Variants in ACVR1 observed in about 807,000 individuals in gnomAD.
The protein encoded by ACVR1 is activin A receptor type 1.
Under a neutral mutation model 57.1 loss-of-function variants are expected in ACVR1, and 38 were observed. The observed-to-expected ratio is 0.67, with a 90% CI of 0.51 to 0.87. The LOEUF is 0.87. Among genes scored for constraint, ACVR1 ranks in the 40% least tolerant of loss-of-function variants. The pLI is 0.00. For synonymous variants in ACVR1, 212 were observed against 228.1 expected (o/e 0.93, Z 0.63); for missense variants, 463 against 638.2 (o/e 0.73, Z 2.96).
In ACVR1 at chr2:157,835,545, A is replaced by G. The variant is rs575322842; in HGVS notation, c.-182-16986T>C. Among the ~76,000 whole-genome samples the G allele has an allele frequency of 7.2e-5, 11 of 152,338 alleles. No homozygotes were observed. The South Asian group carries it at 1.7e-3, about 23-fold the overall frequency. On this transcript the variant is annotated intron_variant, in intron 1 of 10. Coordinates refer to ENST00000434821, the MANE Select transcript of ACVR1 (RefSeq NM_001111067.4). ...TAGTATATTTTACTAACTAAAACAT[A>G]CAGTTCTTTGACTTGTCTTTGAGTT...
intron 2 of ACVR1, among the ~76,000 whole-genome samples, chr2:157,817,308 T>C (rs566099821): frequency 6.6e-6 from 1 of 152,248 alleles, no homozygotes; most frequent in South Asian, 2.1e-4. Flanking sequence ...AAATGTATTA[T>C]TAAAATGTAG....
At chr2:157,827,568 T>C (rs1418304291) in intron 1 of ACVR1, among the ~76,000 whole-genome samples, 1 of 152,234 alleles carries the variant, frequency 6.6e-6, no homozygotes, top group Non-Finnish European at 1.5e-5. Flanking sequence ...TACTTATCTC[T>C]GATTGTGTAA....
At chr2:157,760,320 G>A (rs1272851978) in intron 9 of ACVR1, among the ~76,000 whole-genome samples, 1 of 152,150 alleles carries the variant, frequency 6.6e-6, no homozygotes, top group Non-Finnish European at 1.5e-5. Context: ...ATAGCAGTGG[G>A]ATGAAGAGAC....
rs373492583 is a variant in ACVR1 at position 157,780,742 on chromosome 2, A to T, written c.68-142T>A. 12 of 977,252 alleles carry T rather than the reference A, an allele frequency of 1.2e-5. 1 individual carries two copies. The African/African-American group carries it at 1.8e-4, about 15-fold the overall frequency. The allele number at this position is 977,252 out of a possible 1,614,324, so 60.5% of individuals were successfully genotyped here. On this transcript the variant is annotated intron_variant, in intron 3 of 10. Coordinates refer to ENST00000434821, the MANE Select transcript of ACVR1 (RefSeq NM_001111067.4). ...AGCATCACCATCAACCATGAGGTCC[A>T]CATTCTGTCACCTTGTCACCTAACC...
chr2:157,778,152 A>G lies in ACVR1; in HGVS notation c.522T>C (p.Asn174=). The G allele has an allele frequency of 6.2e-7, 1 of 1,613,486 alleles. No homozygotes were observed. Among genetic ancestry groups the G allele is most frequent in the Non-Finnish European group, 8.5e-7 (1 of 1,179,814 alleles). The change falls in exon 5 of 11, where the codon AAT becomes AAC. Residue 174 remains asparagine, a synonymous_variant. Transcript: ENST00000434821. The part of the protein sequence containing the change: ...YGTIEGLITT[N]VGDSTLADLL... ...TTACTGCTAAAGTGCTGTCTCCAACATTGGTGGTGATGAGCCCTTCGATAG... is the reference window on the plus strand; with the variant it reads ...TTACTGCTAAAGTGCTGTCTCCAACGTTGGTGGTGATGAGCCCTTCGATAG...
intron 1 of ACVR1, among the ~76,000 whole-genome samples, chr2:157,846,821 G>T (rs1022316520): frequency 1.3e-5 from 2 of 152,128 alleles, no homozygotes; most frequent in Admixed American, 1.3e-4. Flanking sequence ...AAAAAGAAAA[G>T]AATAAGCTAA....
chr2:157,783,052 A>G (rs1169272782), intron 3 of ACVR1, among the ~76,000 whole-genome samples: 1 of 152,196 alleles, frequency 6.6e-6, no homozygotes, highest in Non-Finnish European at 1.5e-5. Flanking sequence ...TAAGAATAAC[A>G]ATAAACCAGC....
At chr2:157,741,761 G>A (rs530093675) in intron 9 of ACVR1, among the ~76,000 whole-genome samples, 82 of 152,200 alleles carry the variant, frequency 5.4e-4, no homozygotes, top group South Asian at 3.9e-3. Flanking sequence ...ACAGTGGGGA[G>A]GGACAGTGGC....
intron 1 of ACVR1, among the ~76,000 whole-genome samples, chr2:157,865,702 G>A (rs1163957181): frequency 6.7e-6 from 1 of 150,164 alleles, no homozygotes; most frequent in African/African-American, 2.4e-5. Flanking sequence ...TGAGGCAGGA[G>A]AATCACTTGA....
intron 9 of ACVR1, among the ~76,000 whole-genome samples, chr2:157,747,056 T>C (rs1684993972): frequency 6.6e-6 from 1 of 152,232 alleles, no homozygotes; most frequent in African/African-American, 2.4e-5. Context: ...TATCTGGTCA[T>C]CAATTTTTAT....
Position 157,766,206 on chromosome 2 carries a change from G to A in ACVR1, c.791-10C>T. The A allele has an allele frequency of 6.2e-7, 1 of 1,613,600 alleles. No homozygotes were observed. The highest frequency in any genetic ancestry group is 8.5e-7 in the Non-Finnish European group (1 of 1,179,778). Reference sequence around the variant, plus strand: ...TCTGAAGCAATGAAACCTGGAGAGAGCAAGAAAAAAATTAATATACATGAG... The same window carrying A: ...TCTGAAGCAATGAAACCTGGAGAGAACAAGAAAAAAATTAATATACATGAG... On this transcript the variant is annotated splice_polypyrimidine_tract_variant and intron_variant, in intron 7 of 10. Transcript: ENST00000434821.
chr2:157,802,295 T>C (rs1481478793), intron 2 of ACVR1, among the ~76,000 whole-genome samples: 1 of 151,956 alleles, frequency 6.6e-6, no homozygotes, highest in African/African-American at 2.4e-5. Context: ...AGAGCAAGCA[T>C]GGTGTGTCCT....
chr2:157,786,518 T>C (rs1211784177), intron 3 of ACVR1, among the ~76,000 whole-genome samples: 1 of 152,214 alleles, frequency 6.6e-6, no homozygotes, highest in African/African-American at 2.4e-5. Context: ...GAGCAAACCA[T>C]TTCTTCCTAG....
chr2:157,738,139 A>G (rs966668611), intron 10 of ACVR1, among the ~76,000 whole-genome samples: 1 of 152,214 alleles, frequency 6.6e-6, no homozygotes, highest in African/African-American at 2.4e-5. Context: ...TGGTTTATAC[A>G]TGCAGTCTTA....
At chr2:157,764,454 C>A (rs1028063570) in intron 8 of ACVR1, among the ~76,000 whole-genome samples, 1 of 151,166 alleles carries the variant, frequency 6.6e-6, no homozygotes, top group African/African-American at 2.4e-5. Flanking sequence ...GTGATCCTTC[C>A]GCCTCGGCCT....
intron 9 of ACVR1, among the ~76,000 whole-genome samples, chr2:157,741,070 G>C (rs1016232638): frequency 6.6e-6 from 1 of 152,164 alleles, no homozygotes; most frequent in African/African-American, 2.4e-5. Flanking sequence ...AATGCTGAGA[G>C]TGATAAAAAT....
intron 3 of ACVR1, among the ~76,000 whole-genome samples, chr2:157,783,070 G>T (rs1185241863): frequency 6.6e-6 from 1 of 152,190 alleles, no homozygotes; most frequent in Non-Finnish European, 1.5e-5. Context: ...AGCAACGCTA[G>T]ACTAGAAGAG....
At chr2:157,744,191 G>A (rs1016430699) in intron 9 of ACVR1, among the ~76,000 whole-genome samples, 1 of 152,146 alleles carries the variant, frequency 6.6e-6, no homozygotes, top group African/African-American at 2.4e-5. Context: ...TCCAGGTAAT[G>A]AGGACAGAGT....
At chr2:157,853,489 T>C (rs555500278) in intron 1 of ACVR1, among the ~76,000 whole-genome samples, 129 of 152,316 alleles carry the variant, frequency 8.5e-4, no homozygotes, top group Non-Finnish European at 1.6e-3. Flanking sequence ...AGCATCACAC[T>C]GAGGGTCAGG....
Sources: allele counts gnomAD v4.1 joint callset (sites outside exome capture counted in the v4.1 genomes callset), GRCh38; gene constraint gnomAD v4.1.1; transcripts MANE v1.5; gene names NCBI Gene and HGNC (gene_info 2026-07-23, HGNC 2026-07-21).